ABCA12: variants seen among roughly 807,000 people sequenced by gnomAD.
ABCA12 encodes the protein ATP binding cassette subfamily A member 12.
Under a neutral mutation model 293.5 loss-of-function variants are expected in ABCA12, and 156 were observed. That is an observed-to-expected ratio of 0.53 (90% CI 0.47 to 0.61). ABCA12 has a LOEUF of 0.61. Among genes scored for constraint, ABCA12 ranks in the 20% least tolerant of loss-of-function variants. ABCA12 has a pLI of 0.00. For missense variants in ABCA12, 2,797 were observed against 3,090.2 expected (o/e 0.91, Z 2.25); for synonymous variants, 1,063 against 1,108.0 (o/e 0.96, Z 0.81).
intron 1 of ABCA12, among the ~76,000 whole-genome samples, chr2:215,135,928 C>A (rs1057429714): frequency 1.3e-5 from 2 of 152,164 alleles, no homozygotes; most frequent in Non-Finnish European, 2.9e-5. Flanking sequence ...ATTTCTCTTT[C>A]TTTGCCCTTT....
intron 7 of ABCA12, chr2:215,042,432 A>G (rs111445270): frequency 5.3e-5 from 8 of 151,986 alleles, no homozygotes; most frequent in African/African-American, 1.9e-4. Flanking sequence ...TTTTTTGTAG[A>G]GATAGTATCC....
At chr2:215,033,331 A>G (rs1700919029) in intron 8 of ABCA12, among the ~76,000 whole-genome samples, 1 of 152,186 alleles carries the variant, frequency 6.6e-6, no homozygotes, top group Non-Finnish European at 1.5e-5. Flanking sequence ...TTTTTCTAAG[A>G]TCAAATTTTG....
chr2:215,111,483 A>T, intron 2 of ABCA12, 114 bp downstream of exon 2: 1 of 723,410 alleles, frequency 1.4e-6, no homozygotes, highest in Non-Finnish European at 2.4e-6. Context: ...TAATCCTTCC[A>T]AGTGAAAACA....
chr2:215,097,216 C>T (rs985754916), intron 2 of ABCA12, among the ~76,000 whole-genome samples: 5 of 152,110 alleles, frequency 3.3e-5, no homozygotes, highest in African/African-American at 1.2e-4. Flanking sequence ...CAAAACTCCC[C>T]ACTCTTCTCC....
At chr2:215,015,976 C>T (rs898192023) in intron 14 of ABCA12, among the ~76,000 whole-genome samples, 1 of 151,682 alleles carries the variant, frequency 6.6e-6, no homozygotes, top group Non-Finnish European at 1.5e-5. Flanking sequence ...AACCCCGTCT[C>T]TACTAAAGAT....
intron 1 of ABCA12, among the ~76,000 whole-genome samples, chr2:215,112,794 G>A (rs983426243): frequency 6.6e-6 from 1 of 151,984 alleles, no homozygotes; most frequent in Non-Finnish European, 1.5e-5. Flanking sequence ...CACCGTGCCC[G>A]GCCTGAAATT....
intron 2 of ABCA12, among the ~76,000 whole-genome samples, chr2:215,064,688 TACACGC>T (rs1240000016): frequency 0.019 from 2,491 of 128,666 alleles, 75 homozygotes; most frequent in African/African-American, 0.076. Context: ...AATCTTTTAA[TACACGC>T]ACACACACAC....
chr2:215,034,675 A>G (rs1463024265), intron 8 of ABCA12, among the ~76,000 whole-genome samples: 1 of 152,234 alleles, frequency 6.6e-6, no homozygotes, highest in Non-Finnish European at 1.5e-5. Context: ...CAGTTTGGCC[A>G]CTTACTGGAT....
intron 1 of ABCA12, 45 bp from the exon 2 acceptor site, chr2:215,111,735 C>T: frequency 1.4e-6 from 2 of 1,459,954 alleles, no homozygotes; most frequent in Non-Finnish European, 1.9e-6. Flanking sequence ...ATTGTTGAAC[C>T]AAAGATTTTT....
intron 50 of ABCA12, among the ~76,000 whole-genome samples, chr2:214,939,866 AG>A (rs1376056144): frequency 6.6e-6 from 1 of 152,210 alleles, no homozygotes. Flanking sequence ...TTTGGGGCTG[AG>A]AAGATGGGGT....
intron 2 of ABCA12, among the ~76,000 whole-genome samples, chr2:215,066,081 C>A (rs1234647408): frequency 6.6e-6 from 1 of 152,070 alleles, no homozygotes; most frequent in Non-Finnish European, 1.5e-5. Context: ...AGAGTAGCTG[C>A]TAAACCGCCT....
At chr2:214,940,292 C>A (rs1411683584) in intron 50 of ABCA12, among the ~76,000 whole-genome samples, 3 of 152,148 alleles carry the variant, frequency 2.0e-5, no homozygotes, top group Non-Finnish European at 4.4e-5. Context: ...GTTGAACAAG[C>A]CTTGCATCCC....
At chr2:215,087,890 C>A (rs74989620) in intron 2 of ABCA12, among the ~76,000 whole-genome samples, 557 of 152,310 alleles carry the variant, frequency 3.7e-3, no homozygotes, top group African/African-American at 0.012. Context: ...AATTGGCTCA[C>A]CTGGTCATTT....
At chr2:215,042,769 C>G (rs1701125174) in intron 7 of ABCA12, among the ~76,000 whole-genome samples, 1 of 151,996 alleles carries the variant, frequency 6.6e-6, no homozygotes, top group Non-Finnish European at 1.5e-5. Context: ...CTGCAATCAC[C>G]CTACTGTGCA....
At chr2:214,980,315 G>A (rs1241763518) in intron 31 of ABCA12, among the ~76,000 whole-genome samples, 168 bp downstream of exon 31, 1 of 152,162 alleles carries the variant, frequency 6.6e-6, no homozygotes, top group African/African-American at 2.4e-5. Context: ...AGAACTCTGG[G>A]TTTTAGTCAA....
Position 215,079,571 on chromosome 2 carries a change from C to T in ABCA12, c.164-15352G>A, listed in dbSNP as rs186790023. ...GCTTAAAGGAACAGTTAATTCAGGGCAAATGTCATTAATGTCTCCCAGTTC... is the reference window on the plus strand; with the variant it reads ...GCTTAAAGGAACAGTTAATTCAGGGTAAATGTCATTAATGTCTCCCAGTTC... On this transcript the variant is annotated intron_variant, in intron 2 of 52. Transcript: ENST00000272895. Among the ~76,000 whole-genome samples, 904 of 152,260 alleles carry T rather than the reference C, an allele frequency of 5.9e-3. 7 individuals are homozygous for T. Among genetic ancestry groups the T allele is most frequent in the Non-Finnish European group, 7.3e-3 (494 of 68,022 alleles).
chr2:215,037,747 G>GC (rs1701021905), intron 7 of ABCA12, among the ~76,000 whole-genome samples: 1 of 152,104 alleles, frequency 6.6e-6, no homozygotes, highest in South Asian at 2.1e-4. Context: ...TTTGGAAAAC[G>GC]CAATTAGTTT....
rs1022105389 is a variant in ABCA12 at position 214,996,775 on chromosome 2, T to C, written c.3294+920A>G. Among the ~76,000 whole-genome samples the C allele has an allele frequency of 3.3e-5, 5 of 152,310 alleles. No homozygotes were observed. The East Asian group carries it at 9.6e-4, about 29-fold the overall frequency. On this transcript the variant is annotated intron_variant, in intron 23 of 52. Coordinates refer to ENST00000272895, the MANE Select transcript of ABCA12 (RefSeq NM_173076.3). ...ATATGTAGCAGCAACTTGTATCTTA[T>C]AGGGAGAAATGATCAATTGTCTAAA...
At position 214,986,553 on chromosome 2, in the gene ABCA12, T is replaced by C. The variant is rs1215522668; in HGVS notation, c.4152A>G (p.Lys1384=). The change falls in exon 28 of 53, where the codon AAA becomes AAG. Residue 1384 remains lysine, a synonymous_variant. Transcript: ENST00000272895. ...TSLLGPNGAG[K]TTTISMLTGL... ...AAAAGTTAACATACATGGTAGTAGT[T>C]TTCCCAGCTCCATTGGGCCCCAGCA... 2 of 1,613,952 alleles carry C rather than the reference T, an allele frequency of 1.2e-6. No homozygotes were observed. Among genetic ancestry groups the C allele is most frequent in the Non-Finnish European group, 1.7e-6 (2 of 1,179,976 alleles).
Sources: allele counts gnomAD v4.1 joint callset (sites outside exome capture counted in the v4.1 genomes callset), GRCh38; gene constraint gnomAD v4.1.1; transcripts MANE v1.5; gene names NCBI Gene and HGNC (gene_info 2026-07-23, HGNC 2026-07-21).